The following PTPRU variants were observed in gnomAD, a reference collection of about 807,000 sequenced individuals.
PTPRU encodes protein tyrosine phosphatase receptor type U.
Under a neutral mutation model 166.3 loss-of-function variants are expected in PTPRU, and 69 were observed. The ratio of observed to expected loss-of-function variants is 0.41; its 90% CI spans 0.34 to 0.51. The LOEUF is 0.51. Ranked by LOEUF, PTPRU falls within the 20% of genes least tolerant of loss-of-function variation. The pLI is 0.09. For synonymous variants in PTPRU, 793 were observed against 814.0 expected (o/e 0.97, Z 0.44); for missense variants, 1,657 against 2,013.7 (o/e 0.82, Z 3.39).
At chr1:29,307,229 T>G in intron 18 of PTPRU, 1 of 1,499,530 alleles carries the variant, frequency 6.7e-7, no homozygotes, top group Non-Finnish European at 9.3e-7. Context: ...TCTCACGGTC[T>G]CTGGCTGTCT....
chr1:29,314,743 A>AT (rs1234004308), intron 22 of PTPRU, among the ~76,000 whole-genome samples: 2 of 151,820 alleles, frequency 1.3e-5, no homozygotes, highest in Non-Finnish European at 2.9e-5. Flanking sequence ...ACACCCGGCT[A>AT]TTTTTTGTAT....
At chr1:29,312,504 G>T in intron 21 of PTPRU, 48 bp from the exon 22 acceptor site, 1 of 1,522,906 alleles carries the variant, frequency 6.6e-7, no homozygotes, top group South Asian at 1.2e-5. Context: ...GTCTAATGGT[G>T]ACAGATGCTG....
Position 29,315,112 on chromosome 1 carries a change from A to G in PTPRU, c.3228-260A>G, listed in dbSNP as rs1337847564. On this transcript the variant is annotated intron_variant, in intron 22 of 29. Coordinates refer to ENST00000373779, the MANE Select transcript of PTPRU (RefSeq NM_133178.4). This position sits in a 1 kb window ranked among gnomAD's most constrained non-coding sequence, Gnocchi z 4.5. ...TAATCTTAAGTTGCTAGGTTGAGCC[A>G]GTGTCACCTTTGCATTCTCCCCACC... Among the ~76,000 whole-genome samples the G allele has an allele frequency of 6.6e-6, 1 of 152,172 alleles. No homozygotes were observed. Among genetic ancestry groups the G allele is most frequent in the Non-Finnish European group, 1.5e-5 (1 of 68,032 alleles).
chr1:29,248,097 T>A (rs1684379287), intron 1 of PTPRU, among the ~76,000 whole-genome samples: 1 of 152,180 alleles, frequency 6.6e-6, no homozygotes, highest in Admixed American at 6.5e-5. Flanking sequence ...GGGCCGGGCC[T>A]CTGGGCTGGA....
At chr1:29,284,222 G>A (rs1686236899) in intron 13 of PTPRU, among the ~76,000 whole-genome samples, 1 of 152,184 alleles carries the variant, frequency 6.6e-6, no homozygotes, top group African/African-American at 2.4e-5. Flanking sequence ...CCTTGGGGGT[G>A]ATGGGTACAG....
intron 18 of PTPRU, 82 bp from the exon 19 acceptor site, chr1:29,310,662 C>G (rs1474569022): frequency 1.4e-6 from 2 of 1,443,108 alleles, no homozygotes; most frequent in Non-Finnish European, 2.0e-6. Flanking sequence ...GGTTCTGCTG[C>G]TGGGAGGGGA....
At chr1:29,299,784 A>G (rs896936023) in intron 15 of PTPRU, among the ~76,000 whole-genome samples, 11 of 152,210 alleles carry the variant, frequency 7.2e-5, no homozygotes, top group African/African-American at 1.4e-4. Flanking sequence ...CCATCTCGCC[A>G]GTTTCTTCTC....
Position 29,259,468 on chromosome 1 carries a change from C to T in PTPRU, c.579C>T (p.Ser193=). The change falls in exon 5 of 30, where the codon TCC becomes TCT. Residue 193 remains serine (S), a synonymous_variant. Transcript: ENST00000373779. ...SYPCAKAPHF[S]RLGDVEVNAG... Reference sequence around the variant, plus strand: ...CCGCAGCAAAGGCCCCACACTTCTCCCGCCTGGGCGACGTGGAGGTCAACG... The same window carrying T: ...CCGCAGCAAAGGCCCCACACTTCTCTCGCCTGGGCGACGTGGAGGTCAACG... The T allele has an allele frequency of 6.2e-7, 1 of 1,611,990 alleles. No individual in the cohort carries two copies. The highest frequency in any genetic ancestry group is 8.5e-7 in the Non-Finnish European group (1 of 1,178,750).
intron 18 of PTPRU, chr1:29,307,283 C>T (rs971342613): frequency 8.3e-7 from 1 of 1,208,542 alleles, no homozygotes; most frequent in Non-Finnish European, 1.2e-6. Flanking sequence ...GTGCCCAGCA[C>T]CAACCGTCCA....
intron 24 of PTPRU, among the ~76,000 whole-genome samples, chr1:29,316,973 G>A (rs1000739854): frequency 6.6e-6 from 1 of 152,144 alleles, no homozygotes; most frequent in African/African-American, 2.4e-5. Context: ...AGAGACCTCA[G>A]AAGTCCCCTC....
chr1:29,259,730 A>G (rs1684953315), intron 5 of PTPRU, 140 bp from the exon 6 acceptor site: 3 of 1,276,156 alleles, frequency 2.4e-6, no homozygotes, highest in Non-Finnish European at 3.2e-6. Context: ...TGGGTCCCCC[A>G]TTCCCCCAGG....
chr1:29,304,733 G>A (rs752160166), intron 16 of PTPRU, 41 bp from the exon 17 acceptor site: 6 of 1,519,790 alleles, frequency 3.9e-6, no homozygotes, highest in Non-Finnish European at 5.4e-6. Flanking sequence ...CCTCAGTGAG[G>A]GTCCCTCTCT....
At chr1:29,254,090 C>T (rs779427552) in intron 1 of PTPRU, among the ~76,000 whole-genome samples, 1 of 152,190 alleles carries the variant, frequency 6.6e-6, no homozygotes, top group Non-Finnish European at 1.5e-5. Context: ...TCCTCAGTCA[C>T]ATCATCTGTC....
intron 7 of PTPRU, among the ~76,000 whole-genome samples, chr1:29,274,230 G>A (rs934148986): frequency 2.6e-5 from 4 of 151,622 alleles, no homozygotes; most frequent in South Asian, 2.1e-4. Context: ...TAATAGAGAC[G>A]GGGCTTCACC....
At position 29,312,630 on chromosome 1, in the gene PTPRU, A is replaced by G; in HGVS notation, c.3151A>G (p.Thr1051Ala). ...AGAGCATGGCGTCCCCTACCATGCC[A>G]CGGGGCTGCTGGCTTTCATCCGGCG... ...WPEHGVPYHA[T>A]GLLAFIRRVK... The change falls in exon 22 of 30, where the codon ACG (threonine) becomes GCG (alanine). Residue 1051 changes from threonine (T) to alanine (A), a missense_variant. Physicochemically the swap from Thr to Ala is moderately conservative, Grantham distance 58. Coordinates refer to ENST00000373779, the MANE Select transcript of PTPRU (RefSeq NM_133178.4). 6.2e-7 allele frequency: 1 copy of G among 1,611,930 alleles called. No individual in the cohort carries two copies.
At chr1:29,256,598 C>T (rs1467804826) in intron 2 of PTPRU, among the ~76,000 whole-genome samples, 1 of 152,254 alleles carries the variant, frequency 6.6e-6, no homozygotes, top group Non-Finnish European at 1.5e-5. Flanking sequence ...CCCCGCCTCC[C>T]CTTCTGTGCA....
At chr1:29,305,217 C>T in intron 17 of PTPRU, 135 bp from the exon 18 acceptor site, 2 of 787,908 alleles carry the variant, frequency 2.5e-6, no homozygotes, top group Non-Finnish European at 4.2e-6. Context: ...CCAGAGACTA[C>T]TGGTAAGCCC....
At position 29,236,597 on chromosome 1, in the gene PTPRU, G is replaced by T. The variant is rs1407999005; in HGVS notation, c.-48G>T. 2 of 1,202,180 alleles carry T rather than the reference G, an allele frequency of 1.7e-6. No individual in the cohort carries two copies. Among genetic ancestry groups the T allele is most frequent in the Non-Finnish European group, 2.1e-6 (2 of 968,064 alleles). The allele number at this position is 1,202,180 out of a possible 1,614,324, so 74.5% of individuals were successfully genotyped here. On this transcript the variant is annotated 5_prime_UTR_variant, in exon 1 of 30. Transcript: ENST00000373779. The surrounding 1 kb of genome is among the most constrained non-coding windows in gnomAD (Gnocchi z 4.6). ...CTCGGGCTGGGCTCGGGCTCCGGGG[G>T]CGGCGTCCCCCGCGCCGGGCCCCGG...
intron 1 of PTPRU, among the ~76,000 whole-genome samples, chr1:29,240,063 C>G (rs1683972082): frequency 6.6e-6 from 1 of 152,274 alleles, no homozygotes. Flanking sequence ...ATGCCCACAG[C>G]CTGCTGTCTC....
Sources: allele counts gnomAD v4.1 joint callset (sites outside exome capture counted in the v4.1 genomes callset), GRCh38; gene constraint gnomAD v4.1.1; non-coding constraint Gnocchi (gnomAD v3.1); transcripts MANE v1.5; gene names NCBI Gene and HGNC (gene_info 2026-07-23, HGNC 2026-07-21).